The following KCTD8 variants were observed in gnomAD, a reference collection of about 807,000 sequenced individuals.
KCTD8 encodes BTB/POZ domain-containing protein KCTD8.
In KCTD8, 27 loss-of-function variants were observed where a neutral mutation model predicts 31.5. That is an observed-to-expected ratio of 0.86 (90% CI 0.63 to 1.18). KCTD8 has a LOEUF of 1.18. Among genes scored for constraint, KCTD8 ranks in the 50% most tolerant of loss-of-function variants. KCTD8 has a pLI of 0.00. For missense variants in KCTD8, 658 were observed against 647.7 expected (o/e 1.02, Z -0.17); for synonymous variants, 290 against 280.0 (o/e 1.04, Z -0.36).
chr4:44,331,903 G>T (rs536807199), intron 1 of KCTD8, among the ~76,000 whole-genome samples: 1 of 151,056 alleles, frequency 6.6e-6, no homozygotes, highest in African/African-American at 2.4e-5. Flanking sequence ...GCAAGAGAGG[G>T]CATGAAACCC....
chr4:44,271,071 C>T (rs184322457), intron 1 of KCTD8, among the ~76,000 whole-genome samples: 12 of 151,818 alleles, frequency 7.9e-5, no homozygotes, highest in South Asian at 2.1e-4. Flanking sequence ...CACAAAGAGG[C>T]GTGAATTTAG....
chr4:44,341,934 A>C (rs1164436732), intron 1 of KCTD8, among the ~76,000 whole-genome samples: 2 of 152,186 alleles, frequency 1.3e-5, no homozygotes, highest in East Asian at 1.9e-4. Context: ...AGCCTTAGGA[A>C]ATGTATCTCT....
chr4:44,347,600 C>A (rs937144563), intron 1 of KCTD8, among the ~76,000 whole-genome samples: 1 of 152,062 alleles, frequency 6.6e-6, no homozygotes, highest in African/African-American at 2.4e-5. Context: ...CTTTAGTTGA[C>A]AAGAAAGCCC....
chr4:44,344,453 T>C (rs1718988217), intron 1 of KCTD8, among the ~76,000 whole-genome samples: 1 of 152,164 alleles, frequency 6.6e-6, no homozygotes, highest in African/African-American at 2.4e-5. Flanking sequence ...CCCCAAATGC[T>C]GGAATGACAA....
chr4:44,341,001 TAA>T (rs1448606879), intron 1 of KCTD8, among the ~76,000 whole-genome samples: 1 of 152,090 alleles, frequency 6.6e-6, no homozygotes, highest in Non-Finnish European at 1.5e-5. Context: ...GAAGAAAATT[TAA>T]AGTCTACAAG....
At chr4:44,302,034 G>C (rs1463628790) in intron 1 of KCTD8, among the ~76,000 whole-genome samples, 2 of 152,216 alleles carry the variant, frequency 1.3e-5, no homozygotes, top group African/African-American at 4.8e-5. Context: ...TTGTAGATAT[G>C]TGGCGTTATT....
chr4:44,372,818 C>T (rs994664033), intron 1 of KCTD8, among the ~76,000 whole-genome samples: 4 of 152,112 alleles, frequency 2.6e-5, no homozygotes, highest in South Asian at 2.1e-4. Flanking sequence ...ACCTGGGACA[C>T]GATTACAAGT....
intron 1 of KCTD8, among the ~76,000 whole-genome samples, chr4:44,270,556 A>G (rs983857388): frequency 1.3e-5 from 2 of 151,998 alleles, no homozygotes; most frequent in African/African-American, 4.8e-5. Context: ...ATAATAAAAA[A>G]AAGAAGGTGA....
chr4:44,202,387 T>C (rs1354232825), intron 1 of KCTD8, among the ~76,000 whole-genome samples: 1 of 152,122 alleles, frequency 6.6e-6, no homozygotes, highest in Non-Finnish European at 1.5e-5. Flanking sequence ...TAGGTGCCCA[T>C]CAAACGGTGG....
At chr4:44,439,418 T>C (rs1426154844) in intron 1 of KCTD8, among the ~76,000 whole-genome samples, 1 of 152,150 alleles carries the variant, frequency 6.6e-6, no homozygotes, top group African/African-American at 2.4e-5. Context: ...AAGTTAACTT[T>C]TGAACATACA....
intron 1 of KCTD8, among the ~76,000 whole-genome samples, chr4:44,443,018 C>T (rs76065430): frequency 6.6e-6 from 1 of 152,160 alleles, no homozygotes; most frequent in Non-Finnish European, 1.5e-5. Flanking sequence ...AAACAACAAT[C>T]GGTGTCATAG....
At chr4:44,196,622 A>G (rs1290224592) in intron 1 of KCTD8, among the ~76,000 whole-genome samples, 1 of 152,198 alleles carries the variant, frequency 6.6e-6, no homozygotes, top group African/African-American at 2.4e-5. Context: ...CGAAGAACAG[A>G]GAAGAGTAAA....
In KCTD8 at chr4:44,448,043, AGCCCTCGTCGTTGAGAGAGTTCT is replaced by A. The variant is rs1173672569; in HGVS notation, c.458_480del (p.Gln153LeufsTer13). The A allele has an allele frequency of 1.2e-6, 2 of 1,610,762 alleles. No individual in the cohort carries two copies. On this transcript the variant is annotated frameshift_variant, in exon 1 of 2. Coordinates refer to ENST00000360029, the MANE Select transcript of KCTD8 (RefSeq NM_198353.3). LOFTEE classifies it high-confidence loss of function. The surrounding 1 kb of genome is among the most constrained non-coding windows in gnomAD (Gnocchi z 4.1). ...ACGTTGTCCTCCAGGTCGCTCTGGCAGCCCTCGTCGTTGAGAGAGTTCTGCTTGGTGACCTTGGGCGACAGCAG... is the reference window on the plus strand; with the variant it reads ...ACGTTGTCCTCCAGGTCGCTCTGGCAGCTTGGTGACCTTGGGCGACAGCAG...
chr4:44,199,886 C>G (rs1714079824), intron 1 of KCTD8, among the ~76,000 whole-genome samples: 1 of 151,296 alleles, frequency 6.6e-6, no homozygotes, highest in Non-Finnish European at 1.5e-5. Flanking sequence ...AAGGAACAGA[C>G]AAGACTGATA....
At chr4:44,417,521 T>C (rs539987654) in intron 1 of KCTD8, among the ~76,000 whole-genome samples, 1 of 152,086 alleles carries the variant, frequency 6.6e-6, no homozygotes, top group African/African-American at 2.4e-5. Context: ...GGTTAGATTA[T>C]ACAACTATTT....
chr4:44,326,397 T>C (rs1233592855), intron 1 of KCTD8, among the ~76,000 whole-genome samples: 1 of 151,788 alleles, frequency 6.6e-6, no homozygotes, highest in Non-Finnish European at 1.5e-5. Context: ...TTTTAATTCA[T>C]GGATTTATAT....
chr4:44,271,061 C>T (rs946652973), intron 1 of KCTD8, among the ~76,000 whole-genome samples: 1 of 151,962 alleles, frequency 6.6e-6, no homozygotes, highest in African/African-American at 2.4e-5. Flanking sequence ...CTCCACATAT[C>T]ACAAAGAGGC....
chr4:44,248,020 T>C (rs780859208), intron 1 of KCTD8, among the ~76,000 whole-genome samples: 16 of 151,922 alleles, frequency 1.1e-4, no homozygotes, highest in Non-Finnish European at 2.1e-4. Context: ...AGAGATACAA[T>C]AGTTCTTTTA....
intron 1 of KCTD8, among the ~76,000 whole-genome samples, chr4:44,242,145 C>A (rs1715521008): frequency 6.6e-6 from 1 of 152,174 alleles, no homozygotes; most frequent in Admixed American, 6.5e-5. Context: ...TATGGAACAA[C>A]AAGGGCTTAC....
Sources: allele counts gnomAD v4.1 joint callset (sites outside exome capture counted in the v4.1 genomes callset), GRCh38; gene constraint gnomAD v4.1.1; non-coding constraint Gnocchi (gnomAD v3.1); transcripts MANE v1.5; gene names NCBI Gene and HGNC (gene_info 2026-07-23, HGNC 2026-07-21).